The following CPXM2 variants were observed in gnomAD, a reference collection of about 807,000 sequenced individuals.
CPXM2 encodes carboxypeptidase X, M14 family member 2.
In CPXM2, 66 loss-of-function variants were observed where a neutral mutation model predicts 86.1. The observed-to-expected ratio is 0.77, with a 90% CI of 0.63 to 0.94. The LOEUF is 0.94. Among genes scored for constraint, CPXM2 ranks in the 40% least tolerant of loss-of-function variants. The pLI is 0.00. For synonymous variants in CPXM2, 388 were observed against 400.2 expected, an observed-to-expected ratio of 0.97 and a Z score of 0.36; for missense variants, 948 against 1,026.3, an observed-to-expected ratio of 0.92 and a Z score of 1.04.
intron 3 of CPXM2, among the ~76,000 whole-genome samples, chr10:123,852,867 G>A (rs1848634083): frequency 6.6e-6 from 1 of 152,174 alleles, no homozygotes; most frequent in African/African-American, 2.4e-5. Flanking sequence ...ACTGCCAGCT[G>A]TCCGCTGGTT....
chr10:123,915,316 G>A (rs1036671954), intron 2 of CPXM2, among the ~76,000 whole-genome samples: 5 of 152,300 alleles, frequency 3.3e-5, no homozygotes, highest in South Asian at 4.1e-4. Flanking sequence ...CCAGCCCTTT[G>A]GGAGGCTGAG....
intron 2 of CPXM2, among the ~76,000 whole-genome samples, chr10:123,939,047 G>A (rs1945749377): frequency 6.6e-6 from 1 of 152,130 alleles, no homozygotes; most frequent in African/African-American, 2.4e-5. Context: ...GACACATTAT[G>A]TTCCTGGTAT....
chr10:123,927,404 G>A (rs1945632531), intron 2 of CPXM2, among the ~76,000 whole-genome samples: 1 of 152,322 alleles, frequency 6.6e-6, no homozygotes, highest in Admixed American at 6.5e-5. Flanking sequence ...TACAATCAGA[G>A]AGTAAAAACG....
chr10:123,825,308 T>C (rs899334769), intron 4 of CPXM2, among the ~76,000 whole-genome samples: 9 of 152,150 alleles, frequency 5.9e-5, no homozygotes, highest in Non-Finnish European at 8.8e-5. Context: ...TCATGCATGA[T>C]GAGTTTCCCA....
At chr10:123,920,832 G>A (rs1200548437) in intron 2 of CPXM2, among the ~76,000 whole-genome samples, 1 of 152,156 alleles carries the variant, frequency 6.6e-6, no homozygotes, top group African/African-American at 2.4e-5. Context: ...ATAAAAGGAT[G>A]AGTTTGACTC....
Position 123,746,267 on chromosome 10 carries a change from T to C in CPXM2, c.*497A>G, listed in dbSNP as rs74161090. ...AACACAGAATTTATTTGTAGCAGCT[T>C]GCAATGTCCCAGGGCCAGAGAGGGT... On this transcript the variant is annotated 3_prime_UTR_variant, in exon 14 of 14. Coordinates refer to ENST00000241305, the MANE Select transcript of CPXM2 (RefSeq NM_198148.3). 1,442 of 160,260 alleles carry C rather than the reference T, an allele frequency of 9.0e-3. 27 individuals are homozygous for C. Among genetic ancestry groups the C allele is most frequent in the African/African-American group, 0.033 (1,374 of 41,680 alleles). 9.9% of individuals were successfully genotyped at this position (160,260 alleles called of 1,614,324 possible).
intron 2 of CPXM2, among the ~76,000 whole-genome samples, chr10:123,930,139 C>T (rs1005659329): frequency 2.0e-5 from 3 of 152,236 alleles, no homozygotes; most frequent in African/African-American, 7.2e-5. Flanking sequence ...AAGGCCACCT[C>T]ACAGTGACAC....
intron 3 of CPXM2, among the ~76,000 whole-genome samples, chr10:123,860,639 T>G (rs1391315193): frequency 1.3e-5 from 2 of 152,332 alleles, no homozygotes; most frequent in East Asian, 3.9e-4. Flanking sequence ...ACAGCTCCCC[T>G]AATTAATGCA....
intron 2 of CPXM2, among the ~76,000 whole-genome samples, chr10:123,934,454 G>T (rs1322602828): frequency 6.6e-6 from 1 of 151,900 alleles, no homozygotes; most frequent in Non-Finnish European, 1.5e-5. Context: ...CTCCCTGTGT[G>T]TCTGTGTCTC....
intron 6 of CPXM2, among the ~76,000 whole-genome samples, chr10:123,795,684 A>G (rs1046344482): frequency 5.3e-5 from 8 of 152,112 alleles, no homozygotes; most frequent in Admixed American, 1.3e-4. Context: ...CTCTGAGCAA[A>G]CTGCTAAGTA....
At chr10:123,906,825 G>C (rs1212492550) in intron 2 of CPXM2, among the ~76,000 whole-genome samples, 2 of 152,158 alleles carry the variant, frequency 1.3e-5, no homozygotes, top group Non-Finnish European at 2.9e-5. Context: ...GACCAGGATG[G>C]AAAGCAACCC....
chr10:123,772,991 T>C (rs1006376064), intron 7 of CPXM2, among the ~76,000 whole-genome samples: 2 of 151,818 alleles, frequency 1.3e-5, no homozygotes, highest in Admixed American at 6.6e-5. Flanking sequence ...ACCTCCCTTG[T>C]TGTGGTTCTC....
rs887834620 is a variant in CPXM2, at chr10:123,754,824, AAC to A, written c.1918-64_1918-63del. On this transcript the variant is annotated intron_variant, in intron 12 of 13. Coordinates refer to ENST00000241305, the MANE Select transcript of CPXM2 (RefSeq NM_198148.3). This position sits in a 1 kb window ranked among gnomAD's most constrained non-coding sequence, Gnocchi z 4.0. ...GACCAGCTCTGGACACAACCGGCACAACAGAGTGGGCTGTCAACCCACCATTG... is the reference window on the plus strand; with the variant it reads ...GACCAGCTCTGGACACAACCGGCACAAGAGTGGGCTGTCAACCCACCATTG... 1.1e-6 allele frequency: 1 copy of A among 920,214 alleles called. No individual in the cohort carries two copies. The highest frequency in any genetic ancestry group is 1.7e-5 in the Admixed American group (1 of 58,196). The allele number at this position is 920,214 out of a possible 1,614,324, so 57.0% of individuals were successfully genotyped here. A position where few individuals can be genotyped will look rare whatever the true frequency, so the allele number is the denominator to read the frequency against.
rs532872092 is a variant in CPXM2 at position 123,771,741 on chromosome 10, T to A, written c.979-702A>T. ...CCCACATGTCATGAAAGGGACCGGG[T>A]GGGAGGTAATTGAATCATGGGGGTG... On this transcript the variant is annotated intron_variant, in intron 7 of 13. Coordinates refer to ENST00000241305, the MANE Select transcript of CPXM2 (RefSeq NM_198148.3). 2.0e-5 allele frequency among the ~76,000 whole-genome samples: 3 copies of A among 152,162 alleles called. No homozygotes were observed. In the East Asian group the frequency reaches 5.8e-4, roughly 29 times the overall value.
chr10:123,801,283 T>C (rs1458727620), intron 4 of CPXM2, among the ~76,000 whole-genome samples: 1 of 152,226 alleles, frequency 6.6e-6, no homozygotes, highest in East Asian at 1.9e-4. Flanking sequence ...ACACGCTCTC[T>C]TGCCTGCCGC....
At chr10:123,804,724 T>A (rs1847541093) in intron 4 of CPXM2, among the ~76,000 whole-genome samples, 1 of 152,232 alleles carries the variant, frequency 6.6e-6, no homozygotes, top group Admixed American at 6.5e-5. Context: ...TTCAGTCCAA[T>A]GCTGAAAGAA....
intron 2 of CPXM2, among the ~76,000 whole-genome samples, chr10:123,936,460 C>G (rs916246178): frequency 2.0e-5 from 3 of 152,192 alleles, no homozygotes. Flanking sequence ...GTGCAAAGCT[C>G]CTGTCTCTAG....
chr10:123,775,799 C>G (rs969078403), intron 7 of CPXM2, among the ~76,000 whole-genome samples: 17 of 152,222 alleles, frequency 1.1e-4, no homozygotes, highest in African/African-American at 3.9e-4. Flanking sequence ...CGGTGGCCCT[C>G]TGCAATGCCA....
intron 13 of CPXM2, among the ~76,000 whole-genome samples, chr10:123,749,453 C>T (rs1387164556): frequency 2.0e-5 from 3 of 152,242 alleles, no homozygotes; most frequent in East Asian, 3.8e-4. Flanking sequence ...TCCCTGCCCC[C>T]TCCCTAGTCC....
Sources: gnomAD v4.1 joint callset for allele counts (sites outside exome capture counted in the v4.1 genomes callset) on GRCh38, gnomAD v4.1.1 for gene constraint, Gnocchi (gnomAD v3.1) non-coding constraint, MANE v1.5 for transcripts, NCBI Gene and HGNC (gene_info 2026-07-23, HGNC 2026-07-21) for gene names.